The following DCAF8 variants were observed in gnomAD, a reference collection of about 807,000 sequenced individuals.
DCAF8 encodes DDB1 and CUL4 associated factor 8.
DCAF8 carries 20 observed loss-of-function variants against 68.0 expected under a neutral mutation model. That is an observed-to-expected ratio of 0.29 (90% confidence interval 0.21 to 0.43). The LOEUF (loss-of-function observed/expected upper bound fraction) is 0.43. Ranked by LOEUF, DCAF8 falls within the 20% of genes least tolerant of loss-of-function variation. The pLI is 1.00. For synonymous variants in DCAF8, 230 were observed against 276.9 expected, an observed-to-expected ratio of 0.83 and a Z score of 1.68; for missense variants, 460 against 771.0, an observed-to-expected ratio of 0.60 and a Z score of 4.78.
intron 2 of DCAF8, among the ~76,000 whole-genome samples, chr1:160,249,200 C>CAA (rs1656479608): frequency 6.6e-6 from 1 of 151,526 alleles, no homozygotes; most frequent in African/African-American, 2.4e-5. Flanking sequence ...AAAAACAAAC[C>CAA]AAAAAAAGTA....
intron 1 of DCAF8, 142 bp downstream of exon 1, chr1:160,262,307 T>A (rs1242360827): frequency 2.5e-6 from 1 of 399,166 alleles, no homozygotes; most frequent in Non-Finnish European, 4.4e-6. Context: ...GGTGTCCGGC[T>A]GGGGCAGTTA....
At chr1:160,250,520 G>A (rs992794650) in intron 2 of DCAF8, among the ~76,000 whole-genome samples, 1 of 147,842 alleles carries the variant, frequency 6.8e-6, no homozygotes, top group African/African-American at 2.5e-5. Context: ...GGAAAATCAT[G>A]CAAATTGTTA....
intron 13 of DCAF8, chr1:160,218,065 C>G (rs922026082): frequency 5.7e-6 from 3 of 525,254 alleles, no homozygotes; most frequent in African/African-American, 1.9e-5. Context: ...TATTTCTTCT[C>G]AATTCCCTCC....
chr1:160,235,768 T>C (rs1655852953), intron 6 of DCAF8, among the ~76,000 whole-genome samples: 1 of 151,902 alleles, frequency 6.6e-6, no homozygotes, highest in Non-Finnish European at 1.5e-5. Flanking sequence ...AGATGGAGTT[T>C]TGCTCCGTCA....
chr1:160,249,349 A>T (rs747479876), intron 2 of DCAF8, among the ~76,000 whole-genome samples: 3 of 152,242 alleles, frequency 2.0e-5, no homozygotes, highest in Non-Finnish European at 4.4e-5. Flanking sequence ...TTACTTTATT[A>T]AGTACTAACA....
chr1:160,259,140 G>A (rs140362219), intron 2 of DCAF8, among the ~76,000 whole-genome samples: 1 of 152,282 alleles, frequency 6.6e-6, no homozygotes, highest in East Asian at 1.9e-4. Flanking sequence ...TAATTTTCAT[G>A]TGCCCTTGCC....
chr1:160,229,828 C>T (rs1482608351), intron 7 of DCAF8, among the ~76,000 whole-genome samples: 1 of 152,174 alleles, frequency 6.6e-6, no homozygotes, highest in African/African-American at 2.4e-5. Flanking sequence ...TCGAGACTAG[C>T]CTGGCTAACA....
chr1:160,225,711 C>T (rs1250692202), intron 7 of DCAF8, 48 bp from the exon 8 acceptor site: 1 of 1,481,494 alleles, frequency 6.7e-7, no homozygotes, highest in South Asian at 1.2e-5. Context: ...AAACGAAACC[C>T]TTGAAGAGCT....
chr1:160,241,482 A>G (rs940950414), intron 3 of DCAF8, among the ~76,000 whole-genome samples: 1 of 152,244 alleles, frequency 6.6e-6, no homozygotes, highest in African/African-American at 2.4e-5. Flanking sequence ...CTATGCTGAT[A>G]GTTAAATAAC....
At chr1:160,218,106 T>C (rs1331258389) in intron 13 of DCAF8, 7 of 598,246 alleles carry the variant, frequency 1.2e-5, no homozygotes, top group East Asian at 8.1e-5. Flanking sequence ...TTTATGAAGA[T>C]AGCATTACAC....
intron 3 of DCAF8, among the ~76,000 whole-genome samples, chr1:160,241,982 C>A (rs1003776077): frequency 2.6e-5 from 4 of 152,176 alleles, no homozygotes; most frequent in Non-Finnish European, 5.9e-5. Flanking sequence ...GTGGCTAACA[C>A]CTGTAATCCC....
intron 10 of DCAF8, among the ~76,000 whole-genome samples, chr1:160,223,420 A>T (rs917215481): frequency 6.6e-6 from 1 of 152,068 alleles, no homozygotes; most frequent in African/African-American, 2.4e-5. Context: ...AATAAAACTA[A>T]CCTCTAACTG....
intron 4 of DCAF8, 179 bp downstream of exon 4, chr1:160,239,518 A>C: frequency 3.3e-6 from 5 of 1,510,698 alleles, no homozygotes; most frequent in Non-Finnish European, 4.4e-6. Flanking sequence ...TGCTCAAGGA[A>C]TCTAGGGTTG....
At position 160,225,574 on chromosome 1, in the gene DCAF8, C is replaced by T. The variant is rs1655447223; in HGVS notation, c.1143+17G>A. On this transcript the variant is annotated intron_variant, in intron 8 of 13. Transcript: ENST00000368074. Reference sequence around the variant, plus strand: ...AGTCAGGGAAGCCTGCAGCAACTGGCCCTTCATGAATCTTACCAGGTGATG... The same window carrying T: ...AGTCAGGGAAGCCTGCAGCAACTGGTCCTTCATGAATCTTACCAGGTGATG... 1 of 1,604,836 alleles carries T rather than the reference C, an allele frequency of 6.2e-7. No homozygotes were observed.
At chr1:160,226,612 A>G (rs1655486208) in intron 7 of DCAF8, among the ~76,000 whole-genome samples, 1 of 152,148 alleles carries the variant, frequency 6.6e-6, no homozygotes, top group South Asian at 2.1e-4. Flanking sequence ...TGATTATCTA[A>G]TTTCTCAACC....
intron 7 of DCAF8, among the ~76,000 whole-genome samples, chr1:160,230,919 T>G (rs1202946194): frequency 1.3e-5 from 2 of 152,010 alleles, no homozygotes. Flanking sequence ...GCCTGGCTAA[T>G]TTTTGTATTT....
chr1:160,243,323 GA>G (rs1257171316), intron 3 of DCAF8, among the ~76,000 whole-genome samples: 1 of 152,078 alleles, frequency 6.6e-6, no homozygotes, highest in Non-Finnish European at 1.5e-5. Context: ...GGAAAGAAGG[GA>G]GGGGAAGTAA....
intron 2 of DCAF8, among the ~76,000 whole-genome samples, chr1:160,248,875 G>A (rs943235127): frequency 1.3e-5 from 2 of 150,570 alleles, no homozygotes; most frequent in Middle Eastern, 3.4e-3. Flanking sequence ...TCCAGTCTAC[G>A]CAACAGAGTG....
At chr1:160,244,155 T>G (rs1010869166) in intron 2 of DCAF8, 121 bp from the exon 3 acceptor site, 1 of 751,802 alleles carries the variant, frequency 1.3e-6, no homozygotes, top group East Asian at 2.5e-5. Context: ...GATTTGTGTA[T>G]GCATGCTTAA....
Sources: gnomAD v4.1 joint callset for allele counts (sites outside exome capture counted in the v4.1 genomes callset) on GRCh38, gnomAD v4.1.1 for gene constraint, MANE v1.5 for transcripts, NCBI Gene and HGNC (gene_info 2026-07-23, HGNC 2026-07-21) for gene names.